Variants in ADGRA3 observed in about 807,000 individuals in gnomAD.
ADGRA3 encodes the protein G-protein coupled receptor 125.
Under a neutral mutation model 119.8 loss-of-function variants are expected in ADGRA3, and 56 were observed. That is an observed-to-expected ratio of 0.47 (90% CI 0.38 to 0.58). ADGRA3 has a LOEUF of 0.58. ADGRA3 is among the 20% of genes least tolerant of loss of function. The pLI, the probability that ADGRA3 is intolerant of heterozygous loss-of-function variation, is 0.00. For synonymous variants in ADGRA3, 607 were observed against 623.8 expected, an observed-to-expected ratio of 0.97 and a Z score of 0.40; for missense variants, 1,516 against 1,649.0, an observed-to-expected ratio of 0.92 and a Z score of 1.40.
chr4:22,490,913 T>C (rs1183216744), intron 1 of ADGRA3, among the ~76,000 whole-genome samples: 4 of 151,898 alleles, frequency 2.6e-5, no homozygotes, highest in Non-Finnish European at 5.9e-5. Context: ...GCACAGGGAG[T>C]GAGCAGATCC....
At chr4:22,497,242 C>T (rs562697269) in intron 1 of ADGRA3, among the ~76,000 whole-genome samples, 2 of 152,158 alleles carry the variant, frequency 1.3e-5, no homozygotes, top group South Asian at 4.2e-4. Context: ...AAAAATAACA[C>T]TGTGATATAA....
chr4:22,509,964 C>T (rs1045654384), intron 1 of ADGRA3, among the ~76,000 whole-genome samples: 20 of 144,928 alleles, frequency 1.4e-4, no homozygotes, highest in African/African-American at 3.8e-4. Flanking sequence ...GAGCCGAGAT[C>T]GCGCCACTGC....
intron 7 of ADGRA3, among the ~76,000 whole-genome samples, chr4:22,440,778 AT>A (rs1716580416): frequency 6.6e-6 from 1 of 152,188 alleles, no homozygotes; most frequent in South Asian, 2.1e-4. Flanking sequence ...TTGTCTGTTT[AT>A]ACAATAAACT....
chr4:22,455,298 G>A (rs1255209891), intron 3 of ADGRA3, among the ~76,000 whole-genome samples: 1 of 152,122 alleles, frequency 6.6e-6, no homozygotes, highest in East Asian at 1.9e-4. Flanking sequence ...TTATGCTGGG[G>A]CAGTTGGAGA....
intron 6 of ADGRA3, among the ~76,000 whole-genome samples, chr4:22,444,264 A>G (rs1209866292): frequency 6.6e-6 from 1 of 152,190 alleles, no homozygotes; most frequent in Admixed American, 6.5e-5. Flanking sequence ...TATAAGATAC[A>G]GAATTACTAG....
chr4:22,509,664 A>C (rs777278351), intron 1 of ADGRA3, among the ~76,000 whole-genome samples: 7 of 151,988 alleles, frequency 4.6e-5, no homozygotes, highest in Non-Finnish European at 1.0e-4. Context: ...TTGATCCCCC[A>C]TATGGCCCAT....
At chr4:22,390,919 T>C (rs1030675897) in intron 17 of ADGRA3, among the ~76,000 whole-genome samples, 8 of 152,078 alleles carry the variant, frequency 5.3e-5, no homozygotes, top group African/African-American at 9.7e-5. Context: ...TTTCTCTTAA[T>C]AGAAGTGAGG....
intron 14 of ADGRA3, 132 bp from the exon 15 acceptor site, chr4:22,402,931 T>A: frequency 1.2e-6 from 1 of 822,628 alleles, no homozygotes; most frequent in Non-Finnish European, 1.9e-6. Context: ...TTATTCAGAC[T>A]AATGTTTCAC....
Position 22,408,053 on chromosome 4 carries a change from G to A in ADGRA3, c.2232+5129C>T, listed in dbSNP as rs547843508. On this transcript the variant is annotated intron_variant, in intron 14 of 18. Coordinates refer to ENST00000334304, the MANE Select transcript of ADGRA3 (RefSeq NM_145290.4). ...TAAAAAAACAAAAATGTTAAAAGAC[G>A]ACTATGACTTACTTCTATGTTGCTT... 3.9e-5 allele frequency among the ~76,000 whole-genome samples: 6 copies of A among 152,004 alleles called. No individual in the cohort carries two copies. The East Asian group carries it at 5.8e-4, about 15-fold the overall frequency.
At chr4:22,513,369 T>C (rs1321589520) in intron 1 of ADGRA3, among the ~76,000 whole-genome samples, 4 of 152,042 alleles carry the variant, frequency 2.6e-5, no homozygotes, top group Non-Finnish European at 4.4e-5. Context: ...TTGGCCAGGC[T>C]GGTCTCGAAC....
rs779427305 is a variant in ADGRA3 at position 22,473,825 on chromosome 4, CTTA to C, written c.273_275del (p.Asn91del). On this transcript the variant is annotated inframe_deletion, in exon 2 of 19. Coordinates refer to ENST00000334304, the MANE Select transcript of ADGRA3 (RefSeq NM_145290.4). The stretch of plus-strand genomic sequence containing the variant: ...ATGAGCCATTCTTCAGCTCGGATAT[CTTA>C]TTGTTACTCAGAATCCTAAAAAATA... 1.2e-6 allele frequency: 2 copies of C among 1,604,500 alleles called. No homozygotes were observed. The highest frequency in any genetic ancestry group is 1.1e-5 in the South Asian group (1 of 89,382).
At chr4:22,457,440 G>A (rs1361379976) in intron 3 of ADGRA3, among the ~76,000 whole-genome samples, 5 of 152,130 alleles carry the variant, frequency 3.3e-5, no homozygotes, top group Admixed American at 6.5e-5. Flanking sequence ...TTTATATCCC[G>A]TTGAGTTTAC....
chr4:22,475,214 T>C (rs1189070870), intron 1 of ADGRA3, among the ~76,000 whole-genome samples: 1 of 152,112 alleles, frequency 6.6e-6, no homozygotes, highest in Non-Finnish European at 1.5e-5. Flanking sequence ...ATTGATAAAA[T>C]GGGAAGAATA....
At chr4:22,461,658 T>C in intron 3 of ADGRA3, 79 bp downstream of exon 3, 1 of 1,003,224 alleles carries the variant, frequency 1.0e-6, no homozygotes, top group Non-Finnish European at 1.5e-6. Flanking sequence ...ATGTCCATTT[T>C]TCATCATGTT....
intron 12 of ADGRA3, 38 bp downstream of exon 12, chr4:22,420,848 C>T (rs1425518546): frequency 6.4e-7 from 1 of 1,567,966 alleles, no homozygotes; most frequent in Non-Finnish European, 8.8e-7. Flanking sequence ...TCTAATTTAA[C>T]TGTAAATAGT....
Position 22,413,834 on chromosome 4 carries a change from T to C in ADGRA3, c.1810-20A>G, listed in dbSNP as rs568370551. On this transcript the variant is annotated intron_variant, in intron 12 of 18. Coordinates refer to ENST00000334304, the MANE Select transcript of ADGRA3 (RefSeq NM_145290.4). Reference sequence around the variant, plus strand: ...AGTATTCTGAAAAAATATATATACATAAAAAAAGCTCACTACATTAGTACA... The same window carrying C: ...AGTATTCTGAAAAAATATATATACACAAAAAAAGCTCACTACATTAGTACA... 1 of 1,522,528 alleles carries C rather than the reference T, an allele frequency of 6.6e-7. No homozygotes were observed. Among genetic ancestry groups the C allele is most frequent in the South Asian group, 1.2e-5 (1 of 82,162 alleles). 94.3% of individuals were successfully genotyped at this position (1,522,528 alleles called of 1,614,324 possible).
chr4:22,424,334 C>G lies in ADGRA3; in HGVS notation c.1462G>C (p.Asp488His). Residue 488 changes from aspartate to histidine, a missense_variant, in exon 11 of 19, where the codon GAC becomes CAC. Asp to His is a moderately conservative substitution (Grantham distance 81). Around this residue, in one of 2 missense-constraint regions of ADGRA3, gnomAD observed 1,088 missense variants for 1,107.1 expected, o/e 0.98. Transcript: ENST00000334304. ...GCCAACATGATGTTACTTGCAATGT[C>G]AACCATCACGTCACCTAGCTAGCAG... The part of the protein sequence containing the change: ...KSKELGDVMV[D>H]IASNIMLADE... 1.9e-6 allele frequency: 3 copies of G among 1,613,462 alleles called. No homozygotes were observed. Among genetic ancestry groups the G allele is most frequent in the Non-Finnish European group, 2.5e-6 (3 of 1,179,658 alleles).
chr4:22,404,502 A>G (rs1714810025), intron 14 of ADGRA3, among the ~76,000 whole-genome samples: 1 of 152,198 alleles, frequency 6.6e-6, no homozygotes, highest in Admixed American at 6.5e-5. Context: ...TTCCAGCTAG[A>G]CTACTCAACT....
intron 1 of ADGRA3, chr4:22,478,353 G>C (rs183441082): frequency 5.3e-5 from 8 of 152,298 alleles, no homozygotes; most frequent in Middle Eastern, 3.4e-3. Flanking sequence ...GCTTGCTATT[G>C]CAAGTCCCAG....
Sources: allele counts gnomAD v4.1 joint callset (sites outside exome capture counted in the v4.1 genomes callset), GRCh38; gene constraint gnomAD v4.1.1; regional missense constraint gnomAD v4.1.1; transcripts MANE v1.5; gene names NCBI Gene and HGNC (gene_info 2026-07-23, HGNC 2026-07-21).